IRAG2: variants seen among roughly 807,000 people sequenced by gnomAD.
IRAG2 encodes the protein lymphoid restricted membrane protein.
IRAG2 carries 45 observed loss-of-function variants against 69.9 expected under a neutral mutation model. That is an observed-to-expected ratio of 0.64 (90% CI 0.51 to 0.83). The LOEUF is 0.83. Among genes scored for constraint, IRAG2 ranks in the 40% least tolerant of loss-of-function variants. The probability of loss-of-function intolerance (pLI) is 0.00; values close to 1 mark genes in which losing one functional copy is unlikely to be tolerated. For synonymous variants in IRAG2, 193 were observed against 202.4 expected (o/e 0.95, Z 0.40); for missense variants, 520 against 587.0 (o/e 0.89, Z 1.18).
chr12:25,072,276 T>G (rs1485733299), intron 6 of IRAG2, among the ~76,000 whole-genome samples: 2 of 152,118 alleles, frequency 1.3e-5, no homozygotes, highest in Non-Finnish European at 2.9e-5. Flanking sequence ...GAGCCTCCAG[T>G]CACATGCTCC....
chr12:25,079,976 T>G (rs994907421), intron 9 of IRAG2, among the ~76,000 whole-genome samples: 5 of 152,208 alleles, frequency 3.3e-5, no homozygotes, highest in African/African-American at 1.2e-4. Context: ...TGGTATCAAT[T>G]TTTTTCGATT....
At chr12:25,079,789 G>T (rs1367414763) in intron 9 of IRAG2, 26 bp downstream of exon 9, 2 of 1,453,904 alleles carry the variant, frequency 1.4e-6, no homozygotes, top group South Asian at 1.1e-5. Flanking sequence ...GTGTAAGCAT[G>T]ATTTTAATTC....
intron 6 of IRAG2, among the ~76,000 whole-genome samples, chr12:25,020,151 T>C (rs16928340): frequency 0.021 from 3,192 of 152,362 alleles, 45 homozygotes; most frequent in East Asian, 0.085. Flanking sequence ...AAGGGAACAG[T>C]CTATAATCTA....
upstream of IRAG2, among the ~76,000 whole-genome samples, chr12:25,048,287 C>A (rs112765044): frequency 6.6e-6 from 1 of 151,804 alleles, no homozygotes; most frequent in Admixed American, 6.6e-5. Context: ...GTCCTTTGCC[C>A]ACTTTTTATT....
At chr12:25,053,537 C>T (rs1945001866) in intron 1 of IRAG2, among the ~76,000 whole-genome samples, 1 of 151,842 alleles carries the variant, frequency 6.6e-6, no homozygotes, top group Non-Finnish European at 1.5e-5. Context: ...TTCTGTATTA[C>T]CCAAAAGTAT....
chr12:25,006,482 T>C (rs1591921120), intron 2 of IRAG2: 1 of 152,162 alleles, frequency 6.6e-6, no homozygotes, highest in East Asian at 1.9e-4. Flanking sequence ...CAAATGACCA[T>C]GAACAGAAGA....
intron 16 of IRAG2, among the ~76,000 whole-genome samples, chr12:25,038,630 G>C (rs1232174213): frequency 7.1e-6 from 1 of 140,826 alleles, no homozygotes; most frequent in African/African-American, 2.7e-5. Context: ...GACAGAGTGA[G>C]ACTCCATTTC....
chr12:25,011,359 CT>C lies in IRAG2; in HGVS notation c.709del (p.Ser237ProfsTer10). On this transcript the variant is annotated frameshift_variant, in exon 3 of 39. Transcript: ENST00000636465. LOFTEE classifies it high-confidence loss of function. Reference sequence around the variant, plus strand: ...TGTCTTTCAGAACTGATCTGCTCTTCTTTTTCCAAAGGCTCAGTCGGAGTGG... The same window carrying C: ...TGTCTTTCAGAACTGATCTGCTCTTCTTTTCCAAAGGCTCAGTCGGAGTGG... 1.6e-6 allele frequency: 2 copies of C among 1,231,662 alleles called. No homozygotes were observed. The highest frequency in any genetic ancestry group is 2.0e-6 in the Non-Finnish European group (2 of 987,914). The allele number at this position is 1,231,662 out of a possible 1,614,324, so 76.3% of individuals were successfully genotyped here.
intron 2 of IRAG2, among the ~76,000 whole-genome samples, chr12:25,009,829 A>T (rs897982227): frequency 6.6e-6 from 1 of 151,932 alleles, no homozygotes; most frequent in Non-Finnish European, 1.5e-5. Context: ...TCAATGTCCC[A>T]GTTGGAAGGA....
chr12:25,079,432 T>A lies in IRAG2; in HGVS notation c.106T>A (p.Ser36Thr). 6.2e-7 allele frequency: 1 copy of A among 1,613,806 alleles called. No individual in the cohort carries two copies. The highest frequency in any genetic ancestry group is 8.5e-7 in the Non-Finnish European group (1 of 1,179,650). The part of the protein sequence containing the change: ...YSSLPLPRHT[S>T]STDGTITSSD... ...CTCACTACCATTACCCAGACACACT[T>A]CATCGACAGACGGTACTATAACTTC... Residue 36 changes from serine (S) to threonine (T), a missense_variant, in exon 8 of 22, where the codon TCA (serine) becomes ACA (threonine). Physicochemically the swap from Ser to Thr is moderately conservative, Grantham distance 58 (BLOSUM62 1). Transcript: ENST00000556887.
At chr12:25,020,961 A>C in intron 7 of IRAG2, 1 of 896,112 alleles carries the variant, frequency 1.1e-6, no homozygotes, top group Non-Finnish European at 1.5e-6. Flanking sequence ...CATAACTGAA[A>C]TATACAAGAG....
rs377467286 is a variant in IRAG2, at chr12:25,083,435, C to A, written c.257C>A (p.Ala86Asp). ...CTGTTTCTCACAGGCACAAGTCCAG[C>A]TCATGATAATATTGCATTCCAAGAC... ...PTIEAQGTSP[A>D]HDNIAFQDST... Residue 86 changes from alanine to aspartate, a missense_variant, in exon 10 of 22, where the codon GCT becomes GAT. Transcript: ENST00000556887. 1 of 1,611,072 alleles carries A rather than the reference C, an allele frequency of 6.2e-7. No individual in the cohort carries two copies. The highest frequency in any genetic ancestry group is 8.5e-7 in the Non-Finnish European group (1 of 1,177,314).
At chr12:25,017,018 T>TAA (rs200270514) in intron 5 of IRAG2, 623 of 594,862 alleles carry the variant, frequency 1.0e-3, no homozygotes, top group South Asian at 1.4e-3. Flanking sequence ...AGGGTAAAGT[T>TAA]AAAAAAAAAA....
chr12:25,006,845 C>G (rs1944436779), intron 2 of IRAG2, among the ~76,000 whole-genome samples: 1 of 151,882 alleles, frequency 6.6e-6, no homozygotes, highest in Admixed American at 6.6e-5. Flanking sequence ...CCTGCACATA[C>G]ACCCCCTGAA....
chr12:25,099,607 C>T (rs1257671349), intron 15 of IRAG2, among the ~76,000 whole-genome samples: 3 of 152,130 alleles, frequency 2.0e-5, no homozygotes, highest in Non-Finnish European at 2.9e-5. Flanking sequence ...AATAAAGGAG[C>T]CAGAGTAATC....
chr12:25,004,067 G>A (rs1397847402), upstream of IRAG2, among the ~76,000 whole-genome samples: 1 of 152,182 alleles, frequency 6.6e-6, no homozygotes, highest in African/African-American at 2.4e-5. Context: ...GATGAAATGA[G>A]TTGATGGGTG....
At chr12:25,017,728 C>A (rs556958633) in intron 6 of IRAG2, among the ~76,000 whole-genome samples, 40 of 145,840 alleles carry the variant, frequency 2.7e-4, no homozygotes, top group African/African-American at 8.1e-4. Context: ...AAAAAAAAAA[C>A]CAACAAAAAA....
chr12:25,030,383 T>G, intron 10 of IRAG2: 3 of 1,159,586 alleles, frequency 2.6e-6, no homozygotes, highest in South Asian at 4.4e-5. Flanking sequence ...GCTAGCTCTC[T>G]CCAAATCTGA....
At chr12:24,999,210 A>G in the IRAG2 span, among the ~76,000 whole-genome samples, 1 of 152,232 alleles carries the variant, frequency 6.6e-6, no homozygotes. Context: ...TATAAGTCCC[A>G]AAGAGTATGG....
Sources: gnomAD v4.1 joint callset for allele counts (sites outside exome capture counted in the v4.1 genomes callset) on GRCh38, gnomAD v4.1.1 for gene constraint, MANE v1.5 for transcripts, NCBI Gene and HGNC (gene_info 2026-07-23, HGNC 2026-07-21) for gene names.